SUGP2: variants seen among roughly 807,000 people sequenced by gnomAD.
SUGP2 encodes the protein SURP and G-patch domain-containing protein 2.
Under a neutral mutation model 90.5 loss-of-function variants are expected in SUGP2, and 24 were observed. The ratio of observed to expected loss-of-function variants is 0.27; its 90% CI spans 0.19 to 0.37. The LOEUF (loss-of-function observed/expected upper bound fraction) is 0.37. SUGP2 is among the 10% of genes least tolerant of loss of function. SUGP2 has a pLI of 1.00. For synonymous variants in SUGP2, 473 were observed against 513.4 expected (o/e 0.92, Z 1.06); for missense variants, 1,233 against 1,363.3 (o/e 0.90, Z 1.51).
At chr19:19,001,744 C>A in intron 7 of SUGP2, 70 bp from the exon 8 acceptor site, 1 of 1,525,932 alleles carries the variant, frequency 6.6e-7, no homozygotes, top group South Asian at 1.1e-5. Flanking sequence ...GACTGAAGAT[C>A]TTGCAGTCTA....
At position 19,024,946 on chromosome 19, in the gene SUGP2, C is replaced by A. The variant is rs1161854599; in HGVS notation, c.1402G>T (p.Ala468Ser). 1.2e-6 allele frequency: 2 copies of A among 1,614,050 alleles called. No homozygotes were observed. Among genetic ancestry groups the A allele is most frequent in the Non-Finnish European group, 1.7e-6 (2 of 1,180,028 alleles). Residue 468 changes from alanine (A) to serine (S), a missense_variant, in exon 3 of 11, where the codon GCC (alanine) becomes TCC (serine). Around this residue, in one of 8 missense-constraint regions of SUGP2, gnomAD observed 59 missense variants for 92.6 expected, o/e 0.64. Transcript: ENST00000452918. ...CAGAGAGAGTTGGTGGTTTCTAGGG[C>A]AAGAGCCAAGTCCAGGGGGTTACTG... is the stretch of plus-strand genomic sequence containing the variant. ...TLSNPLDLALALETTNSLCRK... is the reference protein window; with the variant it reads ...TLSNPLDLALSLETTNSLCRK...
intron 6 of SUGP2, among the ~76,000 whole-genome samples, chr19:19,005,885 ACACACACCACACACACACAC>A (rs2058057395): frequency 1.7e-4 from 5 of 29,330 alleles, no homozygotes; most frequent in Admixed American, 4.2e-4. Flanking sequence ...ACACACACAC[ACACACACCACACACACACAC>A]CACACACACA....
intron 6 of SUGP2, 150 bp downstream of exon 6, chr19:19,008,167 A>C (rs2058160801): frequency 1.4e-6 from 1 of 712,070 alleles, no homozygotes. Context: ...GGCCAGTTGC[A>C]GTGGAGCACA....
intron 3 of SUGP2, among the ~76,000 whole-genome samples, chr19:19,020,809 CAT>C (rs150636521): frequency 0.028 from 4,208 of 152,116 alleles, 88 homozygotes; most frequent in South Asian, 0.069. Flanking sequence ...CAACACAGAA[CAT>C]GTTTCTTCGA....
At chr19:19,011,304 C>T (rs1202601013) in intron 4 of SUGP2, among the ~76,000 whole-genome samples, 1 of 151,698 alleles carries the variant, frequency 6.6e-6, no homozygotes, top group African/African-American at 2.4e-5. Flanking sequence ...CGCACCACCA[C>T]GCCTGGCTAA....
chr19:19,009,884 T>G lies in SUGP2; in HGVS notation c.2309A>C (p.Gln770Pro). 1 of 1,613,402 alleles carries G rather than the reference T, an allele frequency of 6.2e-7. No homozygotes were observed. Among genetic ancestry groups the G allele is most frequent in the Non-Finnish European group, 8.5e-7 (1 of 1,179,538 alleles). The change falls in exon 5 of 11, where the codon CAG becomes CCG. Residue 770 changes from glutamine (Q) to proline (P), a missense_variant. Physicochemically the swap from Gln to Pro is moderately conservative, Grantham distance 76. Around this residue, in one of 8 missense-constraint regions of SUGP2, gnomAD observed 540 missense variants for 542.6 expected, o/e 1.00. Transcript: ENST00000452918. ...AGCAGATGGGCAGGGAGAAGAGGTC[T>G]GAGGTGCTTCAGAGATGTCCACTCC... ...PAGVDISEAP[Q>P]TSSPCPSADI...
chr19:18,994,856 A>G, intron 9 of SUGP2: 1 of 555,346 alleles, frequency 1.8e-6, no homozygotes, highest in Non-Finnish European at 3.2e-6. Context: ...GCAGTTCCAG[A>G]CGGAAACTAC....
At chr19:19,023,003 T>A (rs2058786682) in intron 3 of SUGP2, among the ~76,000 whole-genome samples, 1 of 152,178 alleles carries the variant, frequency 6.6e-6, no homozygotes. Context: ...GTCTGGGCTG[T>A]GAGAGTCCAT....
At chr19:19,011,912 G>GAAGAATAT (rs1204336599) in intron 4 of SUGP2, among the ~76,000 whole-genome samples, 1 of 152,206 alleles carries the variant, frequency 6.6e-6, no homozygotes, top group Non-Finnish European at 1.5e-5. Flanking sequence ...TTGTGTTAAA[G>GAAGAATAT]AAGAATATTG....
At chr19:19,008,216 A>C in intron 6 of SUGP2, 101 bp downstream of exon 6, 1 of 986,800 alleles carries the variant, frequency 1.0e-6, no homozygotes, top group South Asian at 1.3e-5. Flanking sequence ...AAACAGGAGG[A>C]TCACTTGAGC....
intron 8 of SUGP2, among the ~76,000 whole-genome samples, chr19:18,996,344 G>A (rs960708864): frequency 1.3e-5 from 2 of 152,134 alleles, no homozygotes; most frequent in Non-Finnish European, 2.9e-5. Flanking sequence ...TGCAGTGAGC[G>A]GAGACCGTGC....
chr19:19,024,880 C>A lies in SUGP2; in HGVS notation c.1468G>T (p.Ala490Ser). 6.2e-7 allele frequency: 1 copy of A among 1,614,138 alleles called. No homozygotes were observed. Among genetic ancestry groups the A allele is most frequent in the South Asian group, 1.1e-5 (1 of 91,082 alleles). Residue 490 changes from alanine (A) to serine (S), a missense_variant, in exon 3 of 11, where the codon GCC (alanine) becomes TCC (serine). By Grantham distance (99) the Ala-to-Ser change is moderately conservative. Around this residue, in one of 8 missense-constraint regions of SUGP2, gnomAD observed 59 missense variants for 92.6 expected, o/e 0.64. Transcript: ENST00000452918. ...LALLGQTFSL[A>S]SSFRQEKILE... ...ATTTTCTCCTGCCGGAAAGAAGAGG[C>A]CAAGGAAAATGTCTGTCCCAAAAGG...
Position 18,993,117 on chromosome 19 carries a change from C to G in SUGP2, c.*624G>C, listed in dbSNP as rs1286382562. On this transcript the variant is annotated 3_prime_UTR_variant, in exon 11 of 11. Coordinates refer to ENST00000452918, the MANE Select transcript of SUGP2 (RefSeq NM_001017392.5). Reference sequence around the variant, plus strand: ...TCATCTGTTTAATGATTACTCCCCACCCGATAGAGCTATTCTATACTGTTG... The same window carrying G: ...TCATCTGTTTAATGATTACTCCCCAGCCGATAGAGCTATTCTATACTGTTG... 1 of 152,178 alleles carries G rather than the reference C, an allele frequency of 6.6e-6. No homozygotes were observed. Among genetic ancestry groups the G allele is most frequent in the Non-Finnish European group, 1.5e-5 (1 of 68,042 alleles). The allele number at this position is 152,178 out of a possible 1,614,324, so 9.4% of individuals were successfully genotyped here. A position where few individuals can be genotyped will look rare whatever the true frequency, so the allele number is the denominator to read the frequency against.
intron 1 of SUGP2, among the ~76,000 whole-genome samples, chr19:19,032,857 A>G (rs1460246587): frequency 6.6e-6 from 1 of 152,100 alleles, no homozygotes; most frequent in African/African-American, 2.4e-5. Flanking sequence ...CTCCAACTTC[A>G]AGAGACAACC....
chr19:19,012,506 G>A (rs1255365244), intron 4 of SUGP2, among the ~76,000 whole-genome samples: 1 of 152,184 alleles, frequency 6.6e-6, no homozygotes, highest in Non-Finnish European at 1.5e-5. Flanking sequence ...CACTCAACAA[G>A]CCAGTCTGCT....
chr19:19,025,396 T>C lies in SUGP2; in HGVS notation c.952A>G (p.Ile318Val). 6.2e-7 allele frequency: 1 copy of C among 1,614,174 alleles called. No individual in the cohort carries two copies. Among genetic ancestry groups the C allele is most frequent in the South Asian group, 1.1e-5 (1 of 91,082 alleles). ...RLPRRKMSFD[I>V]IDKSDVFSRF... ...GAAAAAACATCAGACTTATCTATGATGTCAAAGCTCATCTTTCTTCTGGGG... is the reference window on the plus strand; with the variant it reads ...GAAAAAACATCAGACTTATCTATGACGTCAAAGCTCATCTTTCTTCTGGGG... Residue 318 changes from isoleucine to valine, a missense_variant, in exon 3 of 11, where the codon ATC becomes GTC. Physicochemically the swap from Ile to Val is conservative, Grantham distance 29. This residue lies in a region of SUGP2 where 418 missense variants were observed against 399.9 expected (regional missense o/e 1.05). Transcript: ENST00000452918.
At position 19,004,621 on chromosome 19, in the gene SUGP2, C is replaced by G. The variant is rs746996764; in HGVS notation, c.2476G>C (p.Ala826Pro). ...ACTTTCTTTCGATAGAATTTGAAAG[C>G]AGAACTATTTTGGTCATGTAGAAAC... ...LWFLHDQNSSAFKFYRKKVFE... is the reference protein window; with the variant it reads ...LWFLHDQNSSPFKFYRKKVFE... The change falls in exon 7 of 11, where the codon GCT (alanine) becomes CCT (proline). Residue 826 changes from alanine to proline, a missense_variant. This residue lies in a region of SUGP2 where 540 missense variants were observed against 542.6 expected (regional missense o/e 1.00). Coordinates refer to ENST00000452918, the MANE Select transcript of SUGP2 (RefSeq NM_001017392.5). 6.2e-6 allele frequency: 10 copies of G among 1,611,216 alleles called. No homozygotes were observed. The highest frequency in any genetic ancestry group is 7.6e-6 in the Non-Finnish European group (9 of 1,178,260).
intron 4 of SUGP2, among the ~76,000 whole-genome samples, chr19:19,012,489 C>T (rs968660063): frequency 2.0e-5 from 3 of 152,186 alleles, no homozygotes; most frequent in African/African-American, 7.2e-5. Context: ...ACATCAAGAA[C>T]AGAGAACACT....
At position 19,010,166 on chromosome 19, in the gene SUGP2, G is replaced by T; in HGVS notation, c.2027C>A (p.Pro676Gln). ...AVRNLKKKLLPWQRRGLLRAQ... is the reference protein window; with the variant it reads ...AVRNLKKKLLQWQRRGLLRAQ... ...ACGGAGGAGCCCCCGCCGCTGCCACGGAAGGAGTTTCTTCTTGAGGTTGCG... is the reference window on the plus strand; with the variant it reads ...ACGGAGGAGCCCCCGCCGCTGCCACTGAAGGAGTTTCTTCTTGAGGTTGCG... The change falls in exon 5 of 11, where the codon CCG becomes CAG. Residue 676 changes from proline to glutamine, a missense_variant. By Grantham distance (76) the Pro-to-Gln change is moderately conservative. Transcript: ENST00000452918. 1 of 1,613,640 alleles carries T rather than the reference G, an allele frequency of 6.2e-7. No individual in the cohort carries two copies. Among genetic ancestry groups the T allele is most frequent in the Non-Finnish European group, 8.5e-7 (1 of 1,179,954 alleles).
Sources: gnomAD v4.1 joint callset for allele counts (sites outside exome capture counted in the v4.1 genomes callset) on GRCh38, gnomAD v4.1.1 for gene constraint, gnomAD v4.1.1 regional missense constraint, MANE v1.5 for transcripts, NCBI Gene and HGNC (gene_info 2026-07-23, HGNC 2026-07-21) for gene names.